The following EP400 variants were observed in gnomAD, a reference collection of about 807,000 sequenced individuals.
EP400 encodes the protein E1A binding protein p400, also known as E1A-binding protein p400.
EP400 carries 105 observed loss-of-function variants against 354.1 expected under a neutral mutation model. The ratio of observed to expected loss-of-function variants is 0.30; its 90% CI spans 0.25 to 0.35. The LOEUF (loss-of-function observed/expected upper bound fraction) is 0.35. EP400 is among the 10% of genes least tolerant of loss of function. The probability of loss-of-function intolerance (pLI) is 1.00; values close to 1 mark genes in which losing one functional copy is unlikely to be tolerated. For synonymous variants in EP400, 1,646 were observed against 1,716.9 expected (o/e 0.96, Z 1.02); for missense variants, 3,280 against 4,121.0 (o/e 0.80, Z 5.59).
At chr12:131,964,856 G>T (rs932046035) in intron 2 of EP400, among the ~76,000 whole-genome samples, 2 of 152,156 alleles carry the variant, frequency 1.3e-5, no homozygotes, top group Admixed American at 6.5e-5. Context: ...CTAATCCATA[G>T]TTTATATTCA....
At chr12:131,955,485 T>C (rs534312528) in intron 1 of EP400, among the ~76,000 whole-genome samples, 1 of 152,220 alleles carries the variant, frequency 6.6e-6, no homozygotes, top group East Asian at 1.9e-4. Flanking sequence ...TTTCTCCACG[T>C]TGGTCAGGCT....
Position 131,994,787 on chromosome 12 carries a change from C to G in EP400, c.2738-80C>G. Reference sequence around the variant, plus strand: ...CTGTAATAGCTATGCAAAATAATTTCGAAGCCTTATAGTGTGTAATGAGTA... The same window carrying G: ...CTGTAATAGCTATGCAAAATAATTTGGAAGCCTTATAGTGTGTAATGAGTA... On this transcript the variant is annotated intron_variant, in intron 11 of 52. Coordinates refer to ENST00000389561, the MANE Select transcript of EP400 (RefSeq NM_015409.5). The surrounding 1 kb of genome is among the most constrained non-coding windows in gnomAD (Gnocchi z 4.6). The G allele has an allele frequency of 8.5e-7, 1 of 1,173,112 alleles. No individual in the cohort carries two copies. The highest frequency in any genetic ancestry group is 2.5e-5 in the East Asian group (1 of 39,948). 72.7% of individuals were successfully genotyped at this position (1,173,112 alleles called of 1,614,324 possible).
chr12:132,023,988 G>C, intron 24 of EP400, 47 bp downstream of exon 24: 1 of 1,502,336 alleles, frequency 6.7e-7, no homozygotes, highest in Non-Finnish European at 8.9e-7. Flanking sequence ...TGACAAAAGC[G>C]CCTCACCATG....
intron 1 of EP400, among the ~76,000 whole-genome samples, chr12:131,956,120 C>T (rs907676755): frequency 8.5e-5 from 13 of 152,154 alleles, no homozygotes; most frequent in African/African-American, 2.2e-4. Flanking sequence ...TCTCCTTGTC[C>T]GGAATGTCAT....
At chr12:132,031,625 C>G (rs529292704) in intron 29 of EP400, among the ~76,000 whole-genome samples, 1 of 152,340 alleles carries the variant, frequency 6.6e-6, no homozygotes, top group East Asian at 1.9e-4. Flanking sequence ...GTGGCGCAAT[C>G]TTGGCTCACT....
intron 30 of EP400, among the ~76,000 whole-genome samples, chr12:132,033,191 G>A (rs574902241): frequency 1.6e-3 from 244 of 152,110 alleles, no homozygotes; most frequent in Non-Finnish European, 2.9e-3. Context: ...TCAGGTGATC[G>A]CCCGCCTTGG....
chr12:132,018,755 A>G lies in EP400; in HGVS notation c.4277+379A>G, dbSNP rs185780087. Among the ~76,000 whole-genome samples, 1 of 152,328 alleles carries G rather than the reference A, an allele frequency of 6.6e-6. No homozygotes were observed. Among genetic ancestry groups the G allele is most frequent in the Non-Finnish European group, 1.5e-5 (1 of 68,024 alleles). ...CCACGGTGATGTCATTGTCTTAACA[A>G]GTGACATGTGAGTGATTCTGAAGTG... On this transcript the variant is annotated intron_variant, in intron 21 of 52. Coordinates refer to ENST00000389561, the MANE Select transcript of EP400 (RefSeq NM_015409.5). The surrounding 1 kb of genome is among the most constrained non-coding windows in gnomAD (Gnocchi z 4.0).
intron 51 of EP400, among the ~76,000 whole-genome samples, chr12:132,072,641 T>C (rs1044226824): frequency 6.6e-6 from 1 of 152,230 alleles, no homozygotes; most frequent in Non-Finnish European, 1.5e-5. Context: ...ATGGGTTCAC[T>C]TGTGAGATGA....
intron 5 of EP400, among the ~76,000 whole-genome samples, chr12:131,982,983 A>AT (rs1369625158): frequency 0.036 from 5,431 of 149,526 alleles, 307 homozygotes; most frequent in African/African-American, 0.12. Context: ...AAAAAAAAAA[A>AT]AATAATAATA....
intron 32 of EP400, 91 bp from the exon 33 acceptor site, chr12:132,043,213 A>G: frequency 7.4e-7 from 1 of 1,359,660 alleles, no homozygotes; most frequent in African/African-American, 1.5e-5. Context: ...TAGTGGAGGC[A>G]TCTCCATTAA....
chr12:131,996,260 T>G (rs986273861), intron 12 of EP400, among the ~76,000 whole-genome samples: 2 of 150,324 alleles, frequency 1.3e-5, no homozygotes, highest in African/African-American at 4.9e-5. Context: ...TTGTTTAGAG[T>G]GGGGGTGCCA....
At chr12:132,026,967 G>C (rs958005688) in intron 25 of EP400, among the ~76,000 whole-genome samples, 2 of 152,194 alleles carry the variant, frequency 1.3e-5, no homozygotes, top group Middle Eastern at 3.2e-3. Context: ...GATATGAAAC[G>C]GGCACTGGCT....
chr12:131,972,840 T>A (rs567439194), intron 2 of EP400, among the ~76,000 whole-genome samples: 1 of 147,462 alleles, frequency 6.8e-6, no homozygotes, highest in Non-Finnish European at 1.5e-5. Flanking sequence ...CAAACGATTC[T>A]CCTGTCTCAG....
chr12:132,012,018 A>G (rs1893784082), intron 16 of EP400, among the ~76,000 whole-genome samples: 1 of 152,304 alleles, frequency 6.6e-6, no homozygotes, highest in East Asian at 1.9e-4. Flanking sequence ...AACCCATAGA[A>G]CCATTTCCAC....
At chr12:131,955,599 T>C (rs1891669663) in intron 1 of EP400, among the ~76,000 whole-genome samples, 1 of 151,302 alleles carries the variant, frequency 6.6e-6, no homozygotes, top group Non-Finnish European at 1.5e-5. Flanking sequence ...TGCTTTTTAG[T>C]GTATGGTTGA....
At chr12:131,977,786 T>C (rs1892535115) in intron 2 of EP400, among the ~76,000 whole-genome samples, 1 of 152,188 alleles carries the variant, frequency 6.6e-6, no homozygotes, top group South Asian at 2.1e-4. Context: ...TGCTGTATTG[T>C]GGCTGATTTT....
intron 16 of EP400, 73 bp downstream of exon 16, chr12:132,011,707 A>C: frequency 6.7e-7 from 1 of 1,493,456 alleles, no homozygotes; most frequent in Non-Finnish European, 9.0e-7. Flanking sequence ...CACATTAAAA[A>C]ATGTGAAGAC....
intron 5 of EP400, 69 bp from the exon 6 acceptor site, chr12:131,986,445 G>T: frequency 6.7e-7 from 1 of 1,494,692 alleles, no homozygotes. Context: ...GGGCGCTCAG[G>T]TATTTGGCAC....
Position 131,979,730 on chromosome 12 carries a change from G to A in EP400, c.1372G>A (p.Gly458Arg), listed in dbSNP as rs200939024. 2.2e-5 allele frequency: 36 copies of A among 1,609,400 alleles called. No individual in the cohort carries two copies. The highest frequency in any genetic ancestry group is 3.3e-4 in the Middle Eastern group (2 of 6,046). Reference protein sequence around the residue: ...ALAGSLVAGAGSTVETDLFKR... With the variant: ...ALAGSLVAGARSTVETDLFKR... ...CGCAGGGAGCCTGGTAGCAGGGGCC[G>A]GAAGCACAGTAGAGACGGACCTGTT... Residue 458 changes from glycine (G) to arginine (R), a missense_variant, in exon 3 of 53, where the codon GGA (glycine) becomes AGA (arginine). By Grantham distance (125) the Gly-to-Arg change is moderately radical. This residue lies in a region of EP400 where 800 missense variants were observed against 840.0 expected (regional missense o/e 0.95). Coordinates refer to ENST00000389561, the MANE Select transcript of EP400 (RefSeq NM_015409.5).
Sources: gnomAD v4.1 joint callset for allele counts (sites outside exome capture counted in the v4.1 genomes callset) on GRCh38, gnomAD v4.1.1 for gene constraint, gnomAD v4.1.1 regional missense constraint, Gnocchi (gnomAD v3.1) non-coding constraint, MANE v1.5 for transcripts, NCBI Gene and HGNC (gene_info 2026-07-23, HGNC 2026-07-21) for gene names.